FAM135B: variants seen among roughly 807,000 people sequenced by gnomAD.
The protein encoded by FAM135B is family with sequence similarity 135 member B, also known as protein FAM135B.
In FAM135B, 43 loss-of-function variants were observed where a neutral mutation model predicts 127.7. The ratio of observed to expected loss-of-function variants is 0.34; its 90% confidence interval spans 0.26 to 0.43. The LOEUF (loss-of-function observed/expected upper bound fraction) is 0.43. FAM135B is among the 20% of genes least tolerant of loss of function. The pLI is 1.00. For missense variants in FAM135B, 1,558 were observed against 1,725.6 expected (o/e 0.90, Z 1.72); for synonymous variants, 670 against 665.1 (o/e 1.01, Z -0.11).
At chr8:138,439,935 G>A (rs1411664081) in intron 1 of FAM135B, 2 of 152,188 alleles carry the variant, frequency 1.3e-5, no homozygotes, top group African/African-American at 4.8e-5. Context: ...AGCAGTCATG[G>A]TTCCTGGGAT....
intron 1 of FAM135B, among the ~76,000 whole-genome samples, chr8:138,375,229 C>A (rs1407514055): frequency 1.4e-5 from 2 of 144,172 alleles, no homozygotes; most frequent in Non-Finnish European, 3.0e-5. Context: ...CAAGAAATCA[C>A]TTCTGAGAAG....
At chr8:138,339,004 G>T (rs575216713) in intron 2 of FAM135B, among the ~76,000 whole-genome samples, 8 of 150,108 alleles carry the variant, frequency 5.3e-5, no homozygotes, top group South Asian at 2.1e-4. Context: ...GCAAACTATC[G>T]CAAGGACAAA....
chr8:138,447,596 T>C lies in FAM135B; in HGVS notation c.-20+49075A>G, dbSNP rs184183048. On this transcript the variant is annotated intron_variant, in intron 1 of 19. Transcript: ENST00000395297. ...GCATGTTCTCACTCATAGGTGGGAA[T>C]TGAATAATGAGAACACTTGTACACA... Among the ~76,000 whole-genome samples, 147 of 151,432 alleles carry C rather than the reference T, an allele frequency of 9.7e-4. 2 individuals are homozygous for C. The highest frequency in any genetic ancestry group is 2.7e-3 in the African/African-American group (113 of 41,172).
intron 2 of FAM135B, among the ~76,000 whole-genome samples, chr8:138,321,690 T>C (rs569544004): frequency 2.0e-5 from 3 of 152,336 alleles, no homozygotes; most frequent in South Asian, 4.1e-4. Context: ...ATTTGTAATA[T>C]GCAAAGTGCT....
chr8:138,386,008 G>C (rs1171662283), intron 1 of FAM135B, among the ~76,000 whole-genome samples: 2 of 151,988 alleles, frequency 1.3e-5, no homozygotes, highest in African/African-American at 4.8e-5. Context: ...ATCACCTGAG[G>C]TCAAGAGTTC....
At chr8:138,297,732 T>C (rs1185528521) in intron 3 of FAM135B, among the ~76,000 whole-genome samples, 1 of 152,166 alleles carries the variant, frequency 6.6e-6, no homozygotes, top group African/African-American at 2.4e-5. Flanking sequence ...CATCAGGCAG[T>C]GCCAGGGGCA....
intron 2 of FAM135B, among the ~76,000 whole-genome samples, chr8:138,361,649 A>C (rs1311370893): frequency 6.6e-6 from 1 of 152,174 alleles, no homozygotes. Context: ...TCCAAGTCTA[A>C]TAAAAAGTAT....
intron 7 of FAM135B, among the ~76,000 whole-genome samples, chr8:138,230,095 A>G (rs183606082): frequency 6.6e-6 from 1 of 152,342 alleles, no homozygotes; most frequent in Admixed American, 6.5e-5. Flanking sequence ...TAGAGTCCAG[A>G]CACATGACCC....
At chr8:138,320,707 A>C (rs1827393205) in intron 2 of FAM135B, among the ~76,000 whole-genome samples, 1 of 152,200 alleles carries the variant, frequency 6.6e-6, no homozygotes, top group Non-Finnish European at 1.5e-5. Flanking sequence ...GCCATGCACC[A>C]TTCATCTCTG....
chr8:138,146,771 C>T (rs573896311), intron 14 of FAM135B, among the ~76,000 whole-genome samples: 188 of 152,186 alleles, frequency 1.2e-3, no homozygotes, highest in African/African-American at 4.0e-3. Context: ...TTAATGCTGG[C>T]CGTAGGGGTT....
chr8:138,242,814 G>T lies in FAM135B; in HGVS notation c.669+128C>A. ...TAAAAACAAGGGGTGGGAAGATGGTGAAAGGAAGGGTCAAATTAGCAAAAA... is the reference window on the plus strand; with the variant it reads ...TAAAAACAAGGGGTGGGAAGATGGTTAAAGGAAGGGTCAAATTAGCAAAAA... On this transcript the variant is annotated intron_variant, in intron 7 of 19. Coordinates refer to ENST00000395297, the MANE Select transcript of FAM135B (RefSeq NM_015912.4). This position sits in a 1 kb window ranked among gnomAD's most constrained non-coding sequence, Gnocchi z 9.6. 2 of 1,260,426 alleles carry T rather than the reference G, an allele frequency of 1.6e-6. No individual in the cohort carries two copies. The highest frequency in any genetic ancestry group is 2.1e-6 in the Non-Finnish European group (2 of 932,634). 78.1% of individuals were successfully genotyped at this position (1,260,426 alleles called of 1,614,324 possible). A position where few individuals can be genotyped will look rare whatever the true frequency, so the allele number is the denominator to read the frequency against.
Position 138,434,676 on chromosome 8 carries a change from G to C in FAM135B, c.-20+61995C>G, listed in dbSNP as rs373453732. On this transcript the variant is annotated intron_variant, in intron 1 of 19. Transcript: ENST00000395297. ...TCAAAGCTCTTCCCAAGACGGCCTT[G>C]TCATTTGTTGTTTACTGTCATCTTA... Among the ~76,000 whole-genome samples the C allele has an allele frequency of 8.0e-4, 122 of 152,312 alleles. 7 individuals carry two copies. The South Asian group carries it at 0.025, about 31-fold the overall frequency.
intron 9 of FAM135B, among the ~76,000 whole-genome samples, chr8:138,193,350 G>A (rs1055596414): frequency 1.3e-5 from 2 of 152,190 alleles, no homozygotes; most frequent in African/African-American, 4.8e-5. Context: ...TGGTGCTATG[G>A]TGATCCCGGA....
At chr8:138,157,395 G>A (rs1818868363) in intron 12 of FAM135B, among the ~76,000 whole-genome samples, 1 of 152,196 alleles carries the variant, frequency 6.6e-6, no homozygotes, top group Non-Finnish European at 1.5e-5. Flanking sequence ...ATAAGACAGG[G>A]ATGCCTTCTC....
intron 7 of FAM135B, among the ~76,000 whole-genome samples, chr8:138,232,063 G>A (rs532963318): frequency 6.6e-6 from 1 of 152,314 alleles, no homozygotes; most frequent in African/African-American, 2.4e-5. Context: ...ATGGTTAAAC[G>A]GCTCACTCAA....
rs1564038570 is a variant in FAM135B at position 138,487,644 on chromosome 8, G to GT, written c.-20+9026_-20+9027insA. Among the ~76,000 whole-genome samples, 910 of 151,006 alleles carry GT rather than the reference G, an allele frequency of 6.0e-3. 13 individuals carry two copies. The highest frequency in any genetic ancestry group is 0.021 in the African/African-American group (851 of 40,682). The stretch of plus-strand genomic sequence containing the variant: ...AGCCCTAGGTGTGTGTGGGGGTGGG[G>GT]GCGGGGCAGGGGCTGGGCAGGGGTG... On this transcript the variant is annotated intron_variant, in intron 1 of 19. Coordinates refer to ENST00000395297, the MANE Select transcript of FAM135B (RefSeq NM_015912.4).
chr8:138,432,794 C>T (rs1472400102), intron 1 of FAM135B, among the ~76,000 whole-genome samples: 3 of 152,056 alleles, frequency 2.0e-5, no homozygotes, highest in Admixed American at 2.0e-4. Context: ...ACACACAGTA[C>T]ATTCTTGATG....
chr8:138,345,908 A>G (rs934786714), intron 2 of FAM135B, among the ~76,000 whole-genome samples: 1 of 150,502 alleles, frequency 6.6e-6, no homozygotes, highest in African/African-American at 2.5e-5. Context: ...CAATCCATCC[A>G]TCTGACAAAG....
intron 3 of FAM135B, among the ~76,000 whole-genome samples, chr8:138,298,845 A>G (rs368071960): frequency 6.6e-6 from 1 of 152,096 alleles, no homozygotes; most frequent in East Asian, 1.9e-4. Context: ...GCAAAATGAG[A>G]AAGGGGAGTG....
Sources: gnomAD v4.1 joint callset for allele counts (sites outside exome capture counted in the v4.1 genomes callset) on GRCh38, gnomAD v4.1.1 for gene constraint, Gnocchi (gnomAD v3.1) non-coding constraint, MANE v1.5 for transcripts, NCBI Gene and HGNC (gene_info 2026-07-23, HGNC 2026-07-21) for gene names.